CCNF: variants seen among roughly 807,000 people sequenced by gnomAD.
CCNF encodes the protein cyclin-F.
CCNF carries 30 observed loss-of-function variants against 85.4 expected under a neutral mutation model. The observed-to-expected ratio is 0.35, with a 90% confidence interval of 0.26 to 0.48. The LOEUF is 0.48. CCNF is among the 20% of genes least tolerant of loss of function. The pLI is 0.99. For synonymous variants in CCNF, 439 were observed against 425.1 expected (o/e 1.03, Z -0.40); for missense variants, 919 against 1,010.4 (o/e 0.91, Z 1.23).
intron 2 of CCNF, 101 bp from the exon 3 acceptor site, chr16:2,432,860 A>T: frequency 3.2e-6 from 2 of 624,472 alleles, no homozygotes; most frequent in Admixed American, 5.5e-5. Flanking sequence ...GGCGAGGGAG[A>T]CAGGAGACCC....
In CCNF at chr16:2,452,363, C is replaced by A. The variant is rs1358352372; in HGVS notation, c.1488-847C>A. Reference sequence around the variant, plus strand: ...CTGCTTTCTCCTGCAGTGCCCGGACCCTGTGCCTTCTGGGCAAGGAACGAG... The same window carrying A: ...CTGCTTTCTCCTGCAGTGCCCGGACACTGTGCCTTCTGGGCAAGGAACGAG... On this transcript the variant is annotated intron_variant, in intron 13 of 16. Transcript: ENST00000397066. This position sits in a 1 kb window ranked among gnomAD's most constrained non-coding sequence, Gnocchi z 4.1. Among the ~76,000 whole-genome samples the A allele has an allele frequency of 6.6e-6, 1 of 152,176 alleles. No individual in the cohort carries two copies. Among genetic ancestry groups the A allele is most frequent in the East Asian group, 1.9e-4 (1 of 5,186 alleles).
intron 5 of CCNF, chr16:2,437,802 G>A (rs542668205): frequency 4.9e-5 from 23 of 469,356 alleles, no homozygotes; most frequent in African/African-American, 1.7e-4. Context: ...AGGAGGCTGC[G>A]GTGGGAGGAT....
intron 4 of CCNF, chr16:2,436,613 A>G (rs949772786): frequency 6.6e-6 from 1 of 152,318 alleles, no homozygotes; most frequent in African/African-American, 2.4e-5. Flanking sequence ...CCGAGGTCCT[A>G]CCCCTACCCT....
intron 6 of CCNF, 74 bp from the exon 7 acceptor site, chr16:2,439,279 C>A: frequency 7.7e-7 from 1 of 1,297,508 alleles, no homozygotes; most frequent in South Asian, 1.4e-5. Context: ...ACCTGGGCGA[C>A]GAGTGAAACT....
chr16:2,441,663 C>G (rs1369916530), intron 8 of CCNF, among the ~76,000 whole-genome samples: 1 of 151,596 alleles, frequency 6.6e-6, no homozygotes, highest in Admixed American at 6.6e-5. Context: ...ACTATAGGTG[C>G]CTGCCACCAC....
chr16:2,433,207 C>T, intron 3 of CCNF, 140 bp downstream of exon 3: 4 of 597,988 alleles, frequency 6.7e-6, no homozygotes, highest in Non-Finnish European at 3.0e-6. Context: ...TGGGGAGTGA[C>T]TGAGGGTGGC....
At chr16:2,449,642 T>C (rs1335622235) in intron 12 of CCNF, among the ~76,000 whole-genome samples, 180 bp downstream of exon 12, 5 of 152,142 alleles carry the variant, frequency 3.3e-5, no homozygotes, top group African/African-American at 4.8e-5. Flanking sequence ...CTGCACGCCC[T>C]ATGTATGGGT....
At chr16:2,430,913 T>C in intron 1 of CCNF, 2 of 721,072 alleles carry the variant, frequency 2.8e-6, no homozygotes, top group African/African-American at 1.7e-5. Flanking sequence ...TGTTGAATAT[T>C]TGAAAATGAA....
intron 9 of CCNF, 193 bp from the exon 10 acceptor site, chr16:2,445,265 G>C: frequency 1.6e-6 from 1 of 616,356 alleles, no homozygotes; most frequent in South Asian, 1.9e-5. Context: ...TGTGGGGCCT[G>C]CTTTGGGGCT....
rs2065428561 is a variant in CCNF, at chr16:2,456,550, G to A, written c.1891G>A (p.Ala631Thr). 1 of 1,532,462 alleles carries A rather than the reference G, an allele frequency of 6.5e-7. No homozygotes were observed. The highest frequency in any genetic ancestry group is 1.4e-5 in the African/African-American group (1 of 72,538). 94.9% of individuals were successfully genotyped at this position (1,532,462 alleles called of 1,614,324 possible). A position where few individuals can be genotyped will look rare whatever the true frequency, so the allele number is the denominator to read the frequency against. The change falls in exon 17 of 17, where the codon GCT becomes ACT. Residue 631 changes from alanine (A) to threonine (T), a missense_variant. Transcript: ENST00000397066. This position sits in a 1 kb window ranked among gnomAD's most constrained non-coding sequence, Gnocchi z 4.5. Reference protein sequence around the residue: ...SEGEKEGDVTAPSGILDVTVV... With the variant: ...SEGEKEGDVTTPSGILDVTVV... ...CCCCACCAACCTTCCTGCAGTGACA[G>A]CTCCCAGCGGCATCCTCGATGTCAC...
chr16:2,443,607 A>G (rs747471774), intron 8 of CCNF, 42 bp from the exon 9 acceptor site: 6 of 1,596,874 alleles, frequency 3.8e-6, no homozygotes, highest in South Asian at 1.1e-5. Flanking sequence ...AAACTGCAAC[A>G]TGGCTGCTGT....
rs144735305 is a variant in CCNF at position 2,453,354 on chromosome 16, G to A, written c.1587+45G>A. 1.1e-5 allele frequency: 17 copies of A among 1,613,770 alleles called. No individual in the cohort carries two copies. The highest frequency in any genetic ancestry group is 1.4e-5 in the Non-Finnish European group (16 of 1,179,926). ...TGGGCGTCTCATGGGGTGCTGGGGT[G>A]TGGGCGGGCCTCACCCTCGGGGCCT... On this transcript the variant is annotated intron_variant, in intron 14 of 16. Coordinates refer to ENST00000397066, the MANE Select transcript of CCNF (RefSeq NM_001761.3). The surrounding 1 kb of genome is among the most constrained non-coding windows in gnomAD (Gnocchi z 5.6).
At chr16:2,438,033 G>C in intron 5 of CCNF, 37 bp from the exon 6 acceptor site, 1 of 1,522,728 alleles carries the variant, frequency 6.6e-7, no homozygotes, top group East Asian at 2.2e-5. Context: ...GCAGTTCTCT[G>C]TGCTGGAAAT....
chr16:2,444,580 G>A (rs2065351335), intron 9 of CCNF, among the ~76,000 whole-genome samples: 2 of 150,266 alleles, frequency 1.3e-5, no homozygotes, highest in Non-Finnish European at 1.5e-5. Flanking sequence ...GATTACAGGC[G>A]TGAGCCACCA....
At chr16:2,443,357 G>T (rs1397799445) in intron 8 of CCNF, among the ~76,000 whole-genome samples, 1 of 151,594 alleles carries the variant, frequency 6.6e-6, no homozygotes, top group Non-Finnish European at 1.5e-5. Context: ...TATGGCCAGA[G>T]ACTTAACACA....
rs1297305260 is a variant in CCNF, at chr16:2,443,805, G to C, written c.929+5G>C. 2 of 1,613,734 alleles carry C rather than the reference G, an allele frequency of 1.2e-6. No individual in the cohort carries two copies. Among genetic ancestry groups the C allele is most frequent in the African/African-American group, 2.7e-5 (2 of 74,936 alleles). ...GGGACTCAATGACACAATGAGGTGAGGCATTCAGGCCGGGGCTTCTAATCA... is the reference window on the plus strand; with the variant it reads ...GGGACTCAATGACACAATGAGGTGACGCATTCAGGCCGGGGCTTCTAATCA... On this transcript the variant is annotated splice_donor_5th_base_variant and intron_variant, in intron 9 of 16. Coordinates refer to ENST00000397066, the MANE Select transcript of CCNF (RefSeq NM_001761.3).
intron 15 of CCNF, among the ~76,000 whole-genome samples, chr16:2,454,929 G>A (rs142661106): frequency 0.011 from 1,660 of 152,108 alleles, 17 homozygotes; most frequent in Non-Finnish European, 0.016. Flanking sequence ...GTGTGATGGC[G>A]GGCACCTGTA....
rs1023496301 is a variant in CCNF, at chr16:2,453,678, G to A, written c.1715+141G>A. Reference sequence around the variant, plus strand: ...GATCCCAGGACAGTGACCCTGGGACGGAGCCCTGCAGTCATGCCTCGGGCC... The same window carrying A: ...GATCCCAGGACAGTGACCCTGGGACAGAGCCCTGCAGTCATGCCTCGGGCC... On this transcript the variant is annotated intron_variant, in intron 15 of 16. Coordinates refer to ENST00000397066, the MANE Select transcript of CCNF (RefSeq NM_001761.3). The surrounding 1 kb of genome is among the most constrained non-coding windows in gnomAD (Gnocchi z 5.6). The A allele has an allele frequency of 1.8e-5, 20 of 1,118,890 alleles. No individual in the cohort carries two copies. Among genetic ancestry groups the A allele is most frequent in the Admixed American group, 1.0e-4 (5 of 47,858 alleles). 69.3% of individuals were successfully genotyped at this position (1,118,890 alleles called of 1,614,324 possible). A position where few individuals can be genotyped will look rare whatever the true frequency, so the allele number is the denominator to read the frequency against.
At chr16:2,432,319 A>C (rs1288881569) in intron 2 of CCNF, among the ~76,000 whole-genome samples, 1 of 152,144 alleles carries the variant, frequency 6.6e-6, no homozygotes, top group Non-Finnish European at 1.5e-5. Context: ...TATATAGTGG[A>C]TTCATGGGGA....
Sources: gnomAD v4.1 joint callset for allele counts (sites outside exome capture counted in the v4.1 genomes callset) on GRCh38, gnomAD v4.1.1 for gene constraint, Gnocchi (gnomAD v3.1) non-coding constraint, MANE v1.5 for transcripts, NCBI Gene and HGNC (gene_info 2026-07-23, HGNC 2026-07-21) for gene names.